Variants in NRXN3 observed in about 807,000 individuals in gnomAD.
NRXN3 encodes the protein neurexin 3, also known as neurexin III.
Under a neutral mutation model 137.6 loss-of-function variants are expected in NRXN3, and 32 were observed. The ratio of observed to expected loss-of-function variants is 0.23; its 90% confidence interval spans 0.18 to 0.31. NRXN3 has a LOEUF of 0.31. NRXN3 is among the 10% of genes least tolerant of loss of function. The pLI, the probability that NRXN3 is intolerant of heterozygous loss-of-function variation, is 1.00. For synonymous variants in NRXN3, 798 were observed against 784.5 expected, an observed-to-expected ratio of 1.02 and a Z score of -0.29; for missense variants, 1,574 against 2,062.5, an observed-to-expected ratio of 0.76 and a Z score of 4.59.
intron 19 of NRXN3, among the ~76,000 whole-genome samples, chr14:79,739,173 G>A (rs1368667557): frequency 1.3e-5 from 2 of 152,178 alleles, no homozygotes; most frequent in African/African-American, 4.8e-5. Flanking sequence ...GCACGTGGGT[G>A]TTTCAAGGGT....
chr14:78,798,670 C>T (rs750136501), intron 8 of NRXN3, among the ~76,000 whole-genome samples: 3 of 152,218 alleles, frequency 2.0e-5, no homozygotes, highest in Non-Finnish European at 4.4e-5. Flanking sequence ...AGCAGAGGCT[C>T]TCCATGAGGG....
At chr14:79,768,771 G>A (rs1473969889) in intron 19 of NRXN3, among the ~76,000 whole-genome samples, 1 of 152,232 alleles carries the variant, frequency 6.6e-6, no homozygotes, top group Non-Finnish European at 1.5e-5. Context: ...AAGCTGGACA[G>A]AGAATGACTT....
Position 78,764,469 on chromosome 14 carries a change from C to T in NRXN3, c.2045-39151C>T, listed in dbSNP as rs565851196. On this transcript the variant is annotated intron_variant, in intron 8 of 20. Transcript: ENST00000335750. ...CAACTTCACCCTCACTTTCCTTTCCCGTTAAGCTGCCCACCTATCACACTC... is the reference window on the plus strand; with the variant it reads ...CAACTTCACCCTCACTTTCCTTTCCTGTTAAGCTGCCCACCTATCACACTC... 1.1e-4 allele frequency among the ~76,000 whole-genome samples: 17 copies of T among 152,236 alleles called. No homozygotes were observed. The South Asian group carries it at 2.7e-3, about 24-fold the overall frequency.
intron 15 of NRXN3, among the ~76,000 whole-genome samples, chr14:79,086,178 G>A (rs1420202075): frequency 1.3e-5 from 2 of 152,184 alleles, no homozygotes; most frequent in Non-Finnish European, 2.9e-5. Context: ...CTGCCACAGG[G>A]AATAAATTCT....
chr14:79,233,252 T>C (rs920544872), intron 15 of NRXN3, among the ~76,000 whole-genome samples: 1 of 152,200 alleles, frequency 6.6e-6, no homozygotes, highest in Non-Finnish European at 1.5e-5. Flanking sequence ...TGGAATTCTT[T>C]CATCCCTAGC....
chr14:78,770,600 T>C (rs914094453), intron 8 of NRXN3, among the ~76,000 whole-genome samples: 1 of 152,218 alleles, frequency 6.6e-6, no homozygotes, highest in Non-Finnish European at 1.5e-5. Flanking sequence ...TTTGGGAAGC[T>C]TTAAATTCTT....
chr14:78,243,440 G>A lies in NRXN3; in HGVS notation c.347G>A (p.Arg116His), dbSNP rs760018506. ...DSSWHFLMVS[R>H]DRLRTVLMLD... is the part of the protein sequence containing the mutation. Reference sequence around the variant, plus strand: ...AGCTGGCACTTCCTCATGGTGAGCCGTGACCGCCTGCGCACGGTGCTGATG... The same window carrying A: ...AGCTGGCACTTCCTCATGGTGAGCCATGACCGCCTGCGCACGGTGCTGATG... Residue 116 changes from arginine (R) to histidine (H), a missense_variant, in exon 2 of 21, where the codon CGT (arginine) becomes CAT (histidine). Coordinates refer to ENST00000335750, the MANE Select transcript of NRXN3 (RefSeq NM_001330195.2). This position sits in a 1 kb window ranked among gnomAD's most constrained non-coding sequence, Gnocchi z 4.2. The A allele has an allele frequency of 7.6e-6, 12 of 1,571,910 alleles. No homozygotes were observed. Among genetic ancestry groups the A allele is most frequent in the Non-Finnish European group, 9.4e-6 (11 of 1,166,572 alleles).
Position 79,750,976 on chromosome 14 carries a change from C to T in NRXN3, c.4014+53039C>T, listed in dbSNP as rs190375155. On this transcript the variant is annotated intron_variant, in intron 19 of 20. Coordinates refer to ENST00000335750, the MANE Select transcript of NRXN3 (RefSeq NM_001330195.2). The stretch of plus-strand genomic sequence containing the variant: ...CTCTGAATTGAACCTTACCTTTTAA[C>T]ATGAAATTTCTAATTGAAACAAAGC... Among the ~76,000 whole-genome samples the T allele has an allele frequency of 2.0e-5, 3 of 152,270 alleles. No homozygotes were observed. In the East Asian group the frequency reaches 5.8e-4, roughly 29 times the overall value.
intron 2 of NRXN3, among the ~76,000 whole-genome samples, chr14:78,270,055 G>C (rs1208072427): frequency 6.6e-6 from 1 of 152,166 alleles, no homozygotes; most frequent in African/African-American, 2.4e-5. Context: ...CAAGTAGACT[G>C]TCCCCATTTT....
intron 8 of NRXN3, among the ~76,000 whole-genome samples, chr14:78,758,743 C>G (rs1254921956): frequency 6.6e-6 from 1 of 152,128 alleles, no homozygotes; most frequent in African/African-American, 2.4e-5. Context: ...CCCCTTATAC[C>G]TCTAGGGTTT....
At chr14:78,391,106 A>G (rs772379152) in intron 4 of NRXN3, among the ~76,000 whole-genome samples, 2 of 152,212 alleles carry the variant, frequency 1.3e-5, no homozygotes, top group Non-Finnish European at 2.9e-5. Context: ...TGCAAAGGAC[A>G]TGATCTCATT....
rs2063866320 is a variant in NRXN3, at chr14:79,188,867, C to T, written c.3262+200726C>T. 2.0e-5 allele frequency among the ~76,000 whole-genome samples: 3 copies of T among 152,164 alleles called. No individual in the cohort carries two copies. In the South Asian group the frequency reaches 6.2e-4, roughly 32 times the overall value. On this transcript the variant is annotated intron_variant, in intron 15 of 20. Coordinates refer to ENST00000335750, the MANE Select transcript of NRXN3 (RefSeq NM_001330195.2). ...ATCTCACACCAGTTAGAATGGCAAT[C>T]ATTAAAAAGTCAGGAAACAACAGGT...
At chr14:79,002,420 C>T (rs931489421) in intron 15 of NRXN3, among the ~76,000 whole-genome samples, 1 of 152,066 alleles carries the variant, frequency 6.6e-6, no homozygotes, top group Non-Finnish European at 1.5e-5. Context: ...TCCCTGTGTC[C>T]ACGTGTTCTC....
intron 15 of NRXN3, among the ~76,000 whole-genome samples, chr14:79,327,919 G>C (rs560378013): frequency 1.3e-3 from 204 of 152,228 alleles, no homozygotes; most frequent in Middle Eastern, 3.4e-3. Flanking sequence ...TTTTGTTCAA[G>C]AACAGTGGCA....
At chr14:79,802,899 G>A (rs1169368160) in intron 19 of NRXN3, among the ~76,000 whole-genome samples, 1 of 152,030 alleles carries the variant, frequency 6.6e-6, no homozygotes, top group East Asian at 1.9e-4. Flanking sequence ...TCGGTGTGGA[G>A]AAGGAGAGCA....
At chr14:78,793,034 T>G (rs2098810412) in intron 8 of NRXN3, among the ~76,000 whole-genome samples, 1 of 152,190 alleles carries the variant, frequency 6.6e-6, no homozygotes, top group African/African-American at 2.4e-5. Context: ...ATTCAAAGGA[T>G]AAATGCTTGA....
chr14:78,214,979 C>T (rs1350525073), intron 1 of NRXN3, among the ~76,000 whole-genome samples: 5 of 152,140 alleles, frequency 3.3e-5, no homozygotes, highest in South Asian at 2.1e-4. Flanking sequence ...ACTCTTTCTT[C>T]GTCTGTAAAA....
intron 15 of NRXN3, among the ~76,000 whole-genome samples, chr14:79,465,873 C>G (rs1005886959): frequency 1.3e-5 from 2 of 152,150 alleles, no homozygotes; most frequent in African/African-American, 4.8e-5. Context: ...ACACCACTTG[C>G]CTAAAACCAC....
chr14:79,440,015 C>T (rs1049333079), intron 15 of NRXN3, among the ~76,000 whole-genome samples: 4 of 152,132 alleles, frequency 2.6e-5, no homozygotes, highest in Non-Finnish European at 2.9e-5. Flanking sequence ...TTGAGCACTG[C>T]GAAGTTCACT....
Sources: gnomAD v4.1 joint callset for allele counts (sites outside exome capture counted in the v4.1 genomes callset) on GRCh38, gnomAD v4.1.1 for gene constraint, Gnocchi (gnomAD v3.1) non-coding constraint, MANE v1.5 for transcripts, NCBI Gene and HGNC (gene_info 2026-07-23, HGNC 2026-07-21) for gene names.